ACTR1B: variants seen among roughly 807,000 people sequenced by gnomAD.
ACTR1B encodes the protein actin related protein 1B, also known as beta-centractin.
In ACTR1B, 34 loss-of-function variants were observed where a neutral mutation model predicts 49.4. That is an observed-to-expected ratio of 0.69 (90% CI 0.52 to 0.92). ACTR1B has a LOEUF of 0.92. Ranked by LOEUF, ACTR1B falls within the 40% of genes least tolerant of loss-of-function variation. The probability of loss-of-function intolerance (pLI) is 0.00; values close to 1 mark genes in which losing one functional copy is unlikely to be tolerated. For missense variants in ACTR1B, 471 were observed against 522.4 expected, an observed-to-expected ratio of 0.90 and a Z score of 0.96; for synonymous variants, 207 against 207.8, an observed-to-expected ratio of 1.00 and a Z score of 0.03.
intron 8 of ACTR1B, 56 bp from the exon 9 acceptor site, chr2:97,657,565 G>C: frequency 6.4e-7 from 1 of 1,574,712 alleles, no homozygotes; most frequent in East Asian, 2.2e-5. Flanking sequence ...CTCGCTGCTA[G>C]CTCCCGCACC....
At chr2:97,661,783 C>A in intron 2 of ACTR1B, 99 bp downstream of exon 2, 2 of 1,254,708 alleles carry the variant, frequency 1.6e-6, no homozygotes, top group South Asian at 1.3e-5. Flanking sequence ...CCATACAGGT[C>A]AGGGCACAAA....
In ACTR1B at chr2:97,659,079, A is replaced by T; in HGVS notation, c.316-76T>A. ...CCTAAAAGGCTCTTTCCAGAGAACC[A>T]CACCCGCTGGCGCACAGGCAGCTCA... is the stretch of plus-strand genomic sequence containing the variant. On this transcript the variant is annotated intron_variant, in intron 4 of 10. Coordinates refer to ENST00000289228, the MANE Select transcript of ACTR1B (RefSeq NM_005735.4). The surrounding 1 kb of genome is among the most constrained non-coding windows in gnomAD (Gnocchi z 4.0). 2.5e-6 allele frequency: 4 copies of T among 1,601,142 alleles called. No homozygotes were observed. The highest frequency in any genetic ancestry group is 3.4e-6 in the Non-Finnish European group (4 of 1,171,918).
Position 97,658,375 on chromosome 2 carries a change from G to A in ACTR1B, c.657+52C>T. ...GCACCTGGGACACCTGTGCCTTGGT[G>A]CCACCCTTTCCTCACCCCAGGTCGT... is the stretch of plus-strand genomic sequence containing the variant. On this transcript the variant is annotated intron_variant, in intron 6 of 10. Transcript: ENST00000289228. The surrounding 1 kb of genome is among the most constrained non-coding windows in gnomAD (Gnocchi z 5.9). The A allele has an allele frequency of 1.2e-6, 2 of 1,613,404 alleles. No homozygotes were observed. The highest frequency in any genetic ancestry group is 1.1e-5 in the South Asian group (1 of 91,024).
At chr2:97,660,115 G>GCACCCGA (rs1180120537) in intron 3 of ACTR1B, among the ~76,000 whole-genome samples, 6 of 152,008 alleles carry the variant, frequency 3.9e-5, no homozygotes, top group African/African-American at 1.4e-4. Flanking sequence ...CCACGCCCCG[G>GCACCCGA]CACCCGACAC....
intron 1 of ACTR1B, 26 bp downstream of exon 1, chr2:97,663,817 C>G: frequency 7.3e-7 from 1 of 1,369,758 alleles, no homozygotes; most frequent in Non-Finnish European, 9.6e-7. Context: ...GGGGCGCCCG[C>G]CCTCCCCCTG....
intron 10 of ACTR1B, 55 bp downstream of exon 10, chr2:97,657,097 A>C (rs368665134): frequency 8.4e-5 from 134 of 1,598,534 alleles, no homozygotes; most frequent in Non-Finnish European, 1.1e-4. Flanking sequence ...CAATGGGAGG[A>C]GCATCCAGGG....
In ACTR1B at chr2:97,658,942, T is replaced by C. The variant is rs1213257570; in HGVS notation, c.377A>G (p.Glu126Gly). Reference protein sequence around the residue: ...NPSKNREKAAEVFFETFNVPA... With the variant: ...NPSKNREKAAGVFFETFNVPA... ...CACGTTGAAGGTCTCAAAGAACACC[T>C]CTGCCGCCTTCTCCCGGTTCTTACT... Residue 126 changes from glutamate (E) to glycine (G), a missense_variant, in exon 5 of 11, where the codon GAG becomes GGG. Coordinates refer to ENST00000289228, the MANE Select transcript of ACTR1B (RefSeq NM_005735.4). The surrounding 1 kb of genome is among the most constrained non-coding windows in gnomAD (Gnocchi z 5.9). 2 of 1,614,088 alleles carry C rather than the reference T, an allele frequency of 1.2e-6. No individual in the cohort carries two copies. The highest frequency in any genetic ancestry group is 2.7e-5 in the African/African-American group (2 of 75,034).
At position 97,658,230 on chromosome 2, in the gene ACTR1B, C is replaced by A. The variant is rs373737375; in HGVS notation, c.744G>T (p.Thr248=). Residue 248 remains threonine (T), a synonymous_variant, in exon 7 of 11, where the codon ACG becomes ACT. Transcript: ENST00000289228. The surrounding 1 kb of genome is among the most constrained non-coding windows in gnomAD (Gnocchi z 5.9). Reference sequence around the variant, plus strand: ...GCCAGGCCCGGCCACTTACATCAAGCGTGCTGCCGTCTGGCAACGTGTACT... The same window carrying A: ...GCCAGGCCCGGCCACTTACATCAAGAGTGCTGCCGTCTGGCAACGTGTACT... ...KVQYTLPDGS[T]LDVGPARFRA... is the part of the protein sequence containing the mutation. The A allele has an allele frequency of 6.2e-7, 1 of 1,614,120 alleles. No individual in the cohort carries two copies. The highest frequency in any genetic ancestry group is 2.2e-5 in the East Asian group (1 of 44,876).
chr2:97,656,880 G>A lies in ACTR1B; in HGVS notation c.1109C>T (p.Ala370Val), dbSNP rs779514855. 32 of 1,588,142 alleles carry A rather than the reference G, an allele frequency of 2.0e-5. 1 individual carries two copies. Among genetic ancestry groups the A allele is most frequent in the Non-Finnish European group, 2.3e-5 (27 of 1,166,990 alleles). ...GCACTAGAAAGTTTTGCGATGAATA[G>A]CACGGGAGCCATCCTCTTCATACTC... ...KKEYEEDGSR[A>V]IHRKTF The change falls in exon 11 of 11, where the codon GCT becomes GTT. Residue 370 changes from alanine (A) to valine (V), a missense_variant. Transcript: ENST00000289228.
Position 97,657,204 on chromosome 2 carries a change from A to G in ACTR1B, c.988-12T>C. The stretch of plus-strand genomic sequence containing the variant: ...TGCGGGGCTGAGATCTAGAAGGAGG[A>G]AGTGGCCACGTTAACTGTGGATCCC... On this transcript the variant is annotated splice_polypyrimidine_tract_variant and intron_variant, in intron 9 of 10. Transcript: ENST00000289228. The G allele has an allele frequency of 6.2e-7, 1 of 1,612,360 alleles. No homozygotes were observed. The highest frequency in any genetic ancestry group is 8.5e-7 in the Non-Finnish European group (1 of 1,179,366).
At chr2:97,660,694 G>A (rs1160986059) in intron 2 of ACTR1B, 48 bp from the exon 3 acceptor site, 4 of 1,580,998 alleles carry the variant, frequency 2.5e-6, no homozygotes, top group Non-Finnish European at 3.5e-6. Flanking sequence ...GCATGGCAGA[G>A]CTTGTGTCCA....
rs1674874829 is a variant in ACTR1B, at chr2:97,657,451, G to C, written c.984C>G (p.Ile328Met). ...GGGGGAGTTTCTGTAACCTCACCTT[G>C]ATTTTGATATCCTTTGGGGCAAGCT... The part of the protein sequence containing the change: ...VKKLAPKDIK[I>M]KISAPQERLY... The change falls in exon 9 of 11, where the codon ATC becomes ATG. Residue 328 changes from isoleucine to methionine, a missense_variant. Physicochemically the swap from Ile to Met is conservative, Grantham distance 10 (BLOSUM62 1). Transcript: ENST00000289228. The C allele has an allele frequency of 1.2e-6, 2 of 1,614,200 alleles. No homozygotes were observed. The highest frequency in any genetic ancestry group is 1.3e-5 in the African/African-American group (1 of 75,058).
At position 97,664,009 on chromosome 2, in the gene ACTR1B, G is replaced by C. The variant is rs1227633390; in HGVS notation, c.-119C>G. The C allele has an allele frequency of 5.8e-6, 3 of 520,884 alleles. No individual in the cohort carries two copies. The highest frequency in any genetic ancestry group is 8.5e-6 in the Non-Finnish European group (3 of 351,710). 32.3% of individuals were successfully genotyped at this position (520,884 alleles called of 1,614,324 possible). ...CGCGGCGCCGCTGCCCTCCCTCCCC[G>C]AGCCTGCAGCCTACGCGAGCCCCGC... On this transcript the variant is annotated 5_prime_UTR_variant, in exon 1 of 11. Coordinates refer to ENST00000289228, the MANE Select transcript of ACTR1B (RefSeq NM_005735.4).
chr2:97,656,736 A>C lies in ACTR1B; in HGVS notation c.*122T>G, dbSNP rs1342146910. On this transcript the variant is annotated 3_prime_UTR_variant, in exon 11 of 11. Coordinates refer to ENST00000289228, the MANE Select transcript of ACTR1B (RefSeq NM_005735.4). The stretch of plus-strand genomic sequence containing the variant: ...GCAGGGGGGCACTGCTGTGCCACCC[A>C]CCCAGGGGTTCAGGGCATGCAGGGG... 1 of 769,404 alleles carries C rather than the reference A, an allele frequency of 1.3e-6. No individual in the cohort carries two copies. Among genetic ancestry groups the C allele is most frequent in the East Asian group, 2.7e-5 (1 of 37,388 alleles). The allele number at this position is 769,404 out of a possible 1,614,324, so 47.7% of individuals were successfully genotyped here. A position where few individuals can be genotyped will look rare whatever the true frequency, so the allele number is the denominator to read the frequency against.
At position 97,659,291 on chromosome 2, in the gene ACTR1B, C is replaced by A. The variant is rs998905538; in HGVS notation, c.315+61G>T. On this transcript the variant is annotated intron_variant, in intron 4 of 10. Transcript: ENST00000289228. This position sits in a 1 kb window ranked among gnomAD's most constrained non-coding sequence, Gnocchi z 4.0. ...AATGTGGGAGCCCGGCGAGGAGGGACGCAGAGGAGAGGGGCATGGCCAGGA... is the reference window on the plus strand; with the variant it reads ...AATGTGGGAGCCCGGCGAGGAGGGAAGCAGAGGAGAGGGGCATGGCCAGGA... 10 of 1,608,324 alleles carry A rather than the reference C, an allele frequency of 6.2e-6. No homozygotes were observed. The African/African-American group carries it at 1.2e-4, about 19-fold the overall frequency.
intron 2 of ACTR1B, 29 bp from the exon 3 acceptor site, chr2:97,660,675 G>C (rs1213134100): frequency 6.2e-7 from 1 of 1,606,886 alleles, no homozygotes; most frequent in Admixed American, 1.7e-5. Context: ...TCAGCAAGGT[G>C]GGCAGGGAGC....
intron 9 of ACTR1B, 67 bp from the exon 10 acceptor site, chr2:97,657,259 G>A: frequency 2.5e-6 from 4 of 1,589,510 alleles, no homozygotes; most frequent in East Asian, 2.2e-5. Context: ...CAGCCTTGGG[G>A]TCACCTTCCC....
At position 97,657,113 on chromosome 2, in the gene ACTR1B, TG is replaced by T. The variant is rs1559287995; in HGVS notation, c.1028+38del. 5 of 1,605,528 alleles carry T rather than the reference TG, an allele frequency of 3.1e-6. No individual in the cohort carries two copies. In the South Asian group the frequency reaches 5.5e-5, roughly 18 times the overall value. ...AATGGGAGGAGCATCCAGGGTAAAG[TG>T]GTCTCCTCCCAGAGCCCTCCCTTGA... On this transcript the variant is annotated intron_variant, in intron 10 of 10. Transcript: ENST00000289228.
At chr2:97,663,164 A>T (rs1377549033) in intron 1 of ACTR1B, among the ~76,000 whole-genome samples, 4 of 152,234 alleles carry the variant, frequency 2.6e-5, no homozygotes, top group Non-Finnish European at 5.9e-5. Context: ...CCCACTGCTG[A>T]AGGACAAAGC....
Sources: gnomAD v4.1 joint callset for allele counts (sites outside exome capture counted in the v4.1 genomes callset) on GRCh38, gnomAD v4.1.1 for gene constraint, Gnocchi (gnomAD v3.1) non-coding constraint, MANE v1.5 for transcripts, NCBI Gene and HGNC (gene_info 2026-07-23, HGNC 2026-07-21) for gene names.